Variants in NAGLU observed in about 807,000 individuals in gnomAD.
NAGLU encodes N-acetyl-alpha-glucosaminidase.
NAGLU carries 34 observed loss-of-function variants against 43.4 expected under a neutral mutation model. The observed-to-expected ratio is 0.78, with a 90% confidence interval of 0.60 to 1.04. The LOEUF (loss-of-function observed/expected upper bound fraction) is 1.04. Among genes scored for constraint, NAGLU ranks in the 50% least tolerant of loss-of-function variants. NAGLU has a pLI of 0.00. For synonymous variants in NAGLU, 425 were observed against 437.6 expected, an observed-to-expected ratio of 0.97 and a Z score of 0.36; for missense variants, 910 against 993.7, an observed-to-expected ratio of 0.92 and a Z score of 1.13.
chr17:42,537,432 T>TG lies in NAGLU; in HGVS notation c.418_419insG (p.Tyr140Ter). ...RYYQNVCTQS[Y>*]SFVWWDWARW... Reference sequence around the variant, plus strand: ...TTACCAGAATGTGTGCACGCAAAGCTACTCTTTCGTGTGGTGGGACTGGGC... The same window carrying TG: ...TTACCAGAATGTGTGCACGCAAAGCTGACTCTTTCGTGTGGTGGGACTGGGC... Residue 140 changes from tyrosine (Y) to a stop codon, truncating the protein, a stop_gained and frameshift_variant, in exon 2 of 6, where the codon TAC becomes TGAC. Coordinates refer to ENST00000225927, the MANE Select transcript of NAGLU (RefSeq NM_000263.4). LOFTEE classifies it high-confidence loss of function. 6.2e-7 allele frequency: 1 copy of TG among 1,614,230 alleles called. No homozygotes were observed. Among genetic ancestry groups the TG allele is most frequent in the Non-Finnish European group, 8.5e-7 (1 of 1,180,010 alleles).
intron 2 of NAGLU, 66 bp downstream of exon 2, chr17:42,537,611 GC>G: frequency 6.3e-7 from 1 of 1,583,986 alleles, no homozygotes; most frequent in Non-Finnish European, 8.6e-7. Flanking sequence ...GTTTTCACCC[GC>G]CCCCCAGCAT....
Position 42,543,690 on chromosome 17 carries a change from G to A in NAGLU, c.1684G>A (p.Asp562Asn). ...CCCCGCCTTCCGCTACGACCTGCTG[G>A]ACCTCACTCGGCAGGCAGTGCAGGA... Reference protein sequence around the residue: ...TSPAFRYDLLDLTRQAVQELV... With the variant: ...TSPAFRYDLLNLTRQAVQELV... The change falls in exon 6 of 6, where the codon GAC becomes AAC. Residue 562 changes from aspartate (D) to asparagine (N), a missense_variant. Physicochemically the swap from Asp to Asn is conservative, Grantham distance 23. Coordinates refer to ENST00000225927, the MANE Select transcript of NAGLU (RefSeq NM_000263.4). 5 of 1,612,812 alleles carry A rather than the reference G, an allele frequency of 3.1e-6. No homozygotes were observed. Among genetic ancestry groups the A allele is most frequent in the Non-Finnish European group, 4.2e-6 (5 of 1,180,000 alleles).
Position 42,543,954 on chromosome 17 carries a change from G to A in NAGLU, c.1948G>A (p.Gly650Arg), listed in dbSNP as rs1197265081. 2 of 1,609,350 alleles carry A rather than the reference G, an allele frequency of 1.2e-6. No individual in the cohort carries two copies. The highest frequency in any genetic ancestry group is 1.7e-6 in the Non-Finnish European group (2 of 1,177,898). The change falls in exon 6 of 6, where the codon GGG becomes AGG. Residue 650 changes from glycine to arginine, a missense_variant. Gly to Arg is a moderately radical substitution (Grantham distance 125, BLOSUM62 -2). Coordinates refer to ENST00000225927, the MANE Select transcript of NAGLU (RefSeq NM_000263.4). ...CAGCCGCTACCAGCTGACCTTGTGG[G>A]GGCCAGAAGGCAACATCCTGGACTA... is the stretch of plus-strand genomic sequence containing the variant. ...QNSRYQLTLW[G>R]PEGNILDYAN...
rs753409259 is a variant in NAGLU at position 42,543,184 on chromosome 17, G to A, written c.1178G>A (p.Arg393His). 19 of 1,614,068 alleles carry A rather than the reference G, an allele frequency of 1.2e-5. No individual in the cohort carries two copies. Among genetic ancestry groups the A allele is most frequent in the Admixed American group, 3.3e-5 (2 of 60,014 alleles). The change falls in exon 6 of 6, where the codon CGC (arginine) becomes CAC (histidine). Residue 393 changes from arginine to histidine, a missense_variant. Transcript: ENST00000225927. ...LFAESQPVYT[R>H]TASFQGQPFI... ...GCTGAGAGCCAGCCTGTGTATACCC[G>A]CACTGCCTCCTTCCAGGGCCAGCCC...
chr17:42,536,533 G>C lies in NAGLU; in HGVS notation c.261G>C (p.Ala87=), dbSNP rs1452325580. 1 of 1,356,102 alleles carries C rather than the reference G, an allele frequency of 7.4e-7. No homozygotes were observed. The highest frequency in any genetic ancestry group is 3.1e-5 in the East Asian group (1 of 32,278). 84.0% of individuals were successfully genotyped at this position (1,356,102 alleles called of 1,614,324 possible). The change falls in exon 1 of 6, where the codon GCG becomes GCC. Residue 87 remains alanine, a synonymous_variant. Coordinates refer to ENST00000225927, the MANE Select transcript of NAGLU (RefSeq NM_000263.4). ...VRGSTGVAAA[A]GLHRYLRDFC... is the part of the protein sequence containing the mutation. ...GCTCCACGGGCGTGGCGGCCGCCGCGGGGCTGCACCGCTACCTGCGCGACT... is the reference window on the plus strand; with the variant it reads ...GCTCCACGGGCGTGGCGGCCGCCGCCGGGCTGCACCGCTACCTGCGCGACT...
At chr17:42,538,034 C>A (rs951793979) in intron 2 of NAGLU, among the ~76,000 whole-genome samples, 1 of 152,172 alleles carries the variant, frequency 6.6e-6, no homozygotes, top group Non-Finnish European at 1.5e-5. Flanking sequence ...TGCTTAAGCT[C>A]TTCACACAGT....
chr17:42,542,819 C>T (rs1168845338), intron 5 of NAGLU, among the ~76,000 whole-genome samples: 1 of 152,222 alleles, frequency 6.6e-6, no homozygotes, highest in Non-Finnish European at 1.5e-5. Flanking sequence ...TTAAGGAGCC[C>T]TCTGGGTAAC....
chr17:42,540,029 T>G (rs1306459814), intron 4 of NAGLU, among the ~76,000 whole-genome samples: 1 of 147,362 alleles, frequency 6.8e-6, no homozygotes, highest in Non-Finnish European at 1.5e-5. Flanking sequence ...CATGAGAATC[T>G]CTTGAAGCCA....
chr17:42,538,174 C>G (rs1012539713), intron 2 of NAGLU, among the ~76,000 whole-genome samples, 165 bp from the exon 3 acceptor site: 4 of 152,240 alleles, frequency 2.6e-5, no homozygotes, highest in Non-Finnish European at 5.9e-5. Flanking sequence ...CACCTACTCA[C>G]AGGTCTCTTT....
At chr17:42,538,092 G>A (rs1406226991) in intron 2 of NAGLU, among the ~76,000 whole-genome samples, 2 of 152,122 alleles carry the variant, frequency 1.3e-5, no homozygotes, top group Non-Finnish European at 2.9e-5. Flanking sequence ...GCCTTCTAAG[G>A]CCTTCCTGTT....
At position 42,543,768 on chromosome 17, in the gene NAGLU, C is replaced by A. The variant is rs1356196663; in HGVS notation, c.1762C>A (p.Leu588Met). Reference protein sequence around the residue: ...EARSAYLSKELASLLRAGGVL... With the variant: ...EARSAYLSKEMASLLRAGGVL... ...AAGAAGCGCCTACCTGAGCAAGGAGCTGGCCTCCCTGTTGAGGGCTGGAGG... is the reference window on the plus strand; with the variant it reads ...AAGAAGCGCCTACCTGAGCAAGGAGATGGCCTCCCTGTTGAGGGCTGGAGG... Residue 588 changes from leucine (L) to methionine (M), a missense_variant, in exon 6 of 6, where the codon CTG becomes ATG. Leu to Met is a conservative substitution (Grantham distance 15, BLOSUM62 2). Coordinates refer to ENST00000225927, the MANE Select transcript of NAGLU (RefSeq NM_000263.4). The A allele has an allele frequency of 4.3e-6, 7 of 1,610,484 alleles. No homozygotes were observed. Among genetic ancestry groups the A allele is most frequent in the South Asian group, 1.1e-5 (1 of 90,822 alleles).
Position 42,536,277 on chromosome 17 carries a change from AGGCGGT to A in NAGLU, c.15_20del (p.Val6_Ala7del). The A allele has an allele frequency of 1.6e-6, 2 of 1,217,690 alleles. No homozygotes were observed. Among genetic ancestry groups the A allele is most frequent in the Non-Finnish European group, 2.0e-6 (2 of 978,814 alleles). The allele number at this position is 1,217,690 out of a possible 1,614,324, so 75.4% of individuals were successfully genotyped here. ...GGGACCCGCAGGACTGAGACCATGG[AGGCGGT>A]GGCGGTGGCCGCGGCGGTGGGGGTC... On this transcript the variant is annotated inframe_deletion, in exon 1 of 6. Coordinates refer to ENST00000225927, the MANE Select transcript of NAGLU (RefSeq NM_000263.4).
chr17:42,536,324 G>C lies in NAGLU; in HGVS notation c.52G>C (p.Ala18Pro). Residue 18 changes from alanine to proline, a missense_variant, in exon 1 of 6, where the codon GCC becomes CCC. Physicochemically the swap from Ala to Pro is conservative, Grantham distance 27. Transcript: ENST00000225927. ...GGTGGGGGTCCTTCTCCTGGCCGGG[G>C]CCGGGGGCGCGGCAGGCGACGAGGC... ...AAVGVLLLAG[A>P]GGAAGDEARE... 8.2e-7 allele frequency: 1 copy of C among 1,217,058 alleles called. No individual in the cohort carries two copies. Among genetic ancestry groups the C allele is most frequent in the Non-Finnish European group, 1.0e-6 (1 of 979,052 alleles). The allele number at this position is 1,217,058 out of a possible 1,614,324, so 75.4% of individuals were successfully genotyped here.
chr17:42,543,025 C>T lies in NAGLU; in HGVS notation c.1022-3C>T. 2 of 1,601,724 alleles carry T rather than the reference C, an allele frequency of 1.2e-6. No individual in the cohort carries two copies. Among genetic ancestry groups the T allele is most frequent in the Non-Finnish European group, 1.7e-6 (2 of 1,179,982 alleles). On this transcript the variant is annotated splice_region_variant and splice_polypyrimidine_tract_variant and intron_variant, in intron 5 of 5. Transcript: ENST00000225927. ...CTCTGTTCCCCCTACCTCCTGTCCACAGTGGATACTGAGGCTGTGTGGCTG... is the reference window on the plus strand; with the variant it reads ...CTCTGTTCCCCCTACCTCCTGTCCATAGTGGATACTGAGGCTGTGTGGCTG...
At position 42,537,459 on chromosome 17, in the gene NAGLU, CG is replaced by C; in HGVS notation, c.446del (p.Arg149ProfsTer6). 1 of 1,614,250 alleles carries C rather than the reference CG, an allele frequency of 6.2e-7. No homozygotes were observed. The highest frequency in any genetic ancestry group is 8.5e-7 in the Non-Finnish European group (1 of 1,180,044). ...CTCTTTCGTGTGGTGGGACTGGGCC[CG>C]CTGGGAGCGAGAGATAGACTGGATG... ...SYSFVWWDWA[R>X]WEREIDWMAL... is the part of the protein sequence containing the mutation. On this transcript the variant is annotated frameshift_variant, in exon 2 of 6. Coordinates refer to ENST00000225927, the MANE Select transcript of NAGLU (RefSeq NM_000263.4). LOFTEE classifies it high-confidence loss of function.
rs1555622242 is a variant in NAGLU at position 42,543,099 on chromosome 17, C to T, written c.1093C>T (p.Gln365Ter). The change falls in exon 6 of 6, where the codon CAG becomes TAG. Residue 365 changes from glutamine (Q) to a stop codon, truncating the protein, a stop_gained. Transcript: ENST00000225927. LOFTEE classifies it high-confidence loss of function. ...QHQPQFWGPA[Q>*]IRAVLGAVPR... ...CCAGCCGCAGTTCTGGGGGCCCGCC[C>T]AGATCAGGGCTGTGCTGGGAGCTGT... The T allele has an allele frequency of 6.2e-7, 1 of 1,612,476 alleles. No individual in the cohort carries two copies. Among genetic ancestry groups the T allele is most frequent in the Non-Finnish European group, 8.5e-7 (1 of 1,180,034 alleles).
At chr17:42,542,613 C>T (rs143667471) in intron 5 of NAGLU, among the ~76,000 whole-genome samples, 1 of 152,358 alleles carries the variant, frequency 6.6e-6, no homozygotes, top group African/African-American at 2.4e-5. Context: ...TGTGCCTCTA[C>T]CTCCCGAGTA....
Position 42,544,445 on chromosome 17 carries a change from T to C in NAGLU, c.*207T>C. 2 of 731,068 alleles carry C rather than the reference T, an allele frequency of 2.7e-6. No homozygotes were observed. The highest frequency in any genetic ancestry group is 4.4e-6 in the Non-Finnish European group (2 of 450,726). The allele number at this position is 731,068 out of a possible 1,614,324, so 45.3% of individuals were successfully genotyped here. A position where few individuals can be genotyped will look rare whatever the true frequency, so the allele number is the denominator to read the frequency against. On this transcript the variant is annotated 3_prime_UTR_variant, in exon 6 of 6. Coordinates refer to ENST00000225927, the MANE Select transcript of NAGLU (RefSeq NM_000263.4). The stretch of plus-strand genomic sequence containing the variant: ...GATTAAAGTACTGTTTTCTTTCCAC[T>C]TAAACTGATGAGTCCCCTGGGTCTG...
At chr17:42,537,851 G>C (rs1185777172) in intron 2 of NAGLU, among the ~76,000 whole-genome samples, 6 of 144,760 alleles carry the variant, frequency 4.1e-5, no homozygotes, top group Admixed American at 3.4e-4. Flanking sequence ...AACAGAGCGA[G>C]ACTCTGTCTA....
Sources: allele counts gnomAD v4.1 joint callset (sites outside exome capture counted in the v4.1 genomes callset), GRCh38; gene constraint gnomAD v4.1.1; transcripts MANE v1.5; gene names NCBI Gene and HGNC (gene_info 2026-07-23, HGNC 2026-07-21).